The following RIT2 variants were observed in gnomAD, a reference collection of about 807,000 sequenced individuals.
RIT2 encodes Ras like without CAAX 2.
In RIT2, 24 loss-of-function variants were observed where a neutral mutation model predicts 23.7. That is an observed-to-expected ratio of 1.01 (90% CI 0.73 to 1.43). RIT2 has a LOEUF of 1.43. RIT2 is among the 40% of genes most tolerant of loss of function. RIT2 has a pLI of 0.00. For synonymous variants in RIT2, 107 were observed against 91.1 expected, an observed-to-expected ratio of 1.17 and a Z score of -0.99; for missense variants, 236 against 266.9, an observed-to-expected ratio of 0.88 and a Z score of 0.81.
chr18:42,778,069 A>G (rs975818970), intron 4 of RIT2, among the ~76,000 whole-genome samples: 4 of 152,132 alleles, frequency 2.6e-5, no homozygotes, highest in Non-Finnish European at 5.9e-5. Context: ...GAAATTTGCT[A>G]TTCAAAGCCC....
At chr18:42,771,485 C>G (rs559386713) in intron 4 of RIT2, among the ~76,000 whole-genome samples, 7 of 152,224 alleles carry the variant, frequency 4.6e-5, no homozygotes, top group South Asian at 2.1e-4. Context: ...TCCTATGGAG[C>G]ATTAGGCAAA....
intron 1 of RIT2, among the ~76,000 whole-genome samples, chr18:43,086,971 T>A (rs567131013): frequency 6.6e-6 from 1 of 152,114 alleles, no homozygotes; most frequent in Non-Finnish European, 1.5e-5. Flanking sequence ...TATTCATGGC[T>A]GGGCATGGTG....
At chr18:42,762,795 G>T (rs556870470) in intron 4 of RIT2, among the ~76,000 whole-genome samples, 2 of 152,188 alleles carry the variant, frequency 1.3e-5, no homozygotes, top group East Asian at 3.9e-4. Flanking sequence ...CAACATTTTT[G>T]TTGATCTCAA....
intron 3 of RIT2, among the ~76,000 whole-genome samples, chr18:42,926,169 A>G (rs966945243): frequency 6.6e-6 from 1 of 151,886 alleles, no homozygotes. Flanking sequence ...TCTCAATGCC[A>G]AAGACATTGT....
intron 4 of RIT2, among the ~76,000 whole-genome samples, chr18:42,872,588 A>G (rs1490230860): frequency 1.3e-5 from 2 of 152,226 alleles, no homozygotes; most frequent in Admixed American, 1.3e-4. Flanking sequence ...ACGTCAAAAT[A>G]AATACACAAC....
At chr18:43,094,123 G>GTTTTTTTTTTTTTTTT (rs376144367) in intron 1 of RIT2, among the ~76,000 whole-genome samples, 1 of 116,048 alleles carries the variant, frequency 8.6e-6, no homozygotes, top group Non-Finnish European at 1.7e-5. Context: ...GGTTTTTTTT[G>GTTTTTTTTTTTTTTTT]TTTTTTTTTT....
intron 2 of RIT2, among the ~76,000 whole-genome samples, chr18:43,030,099 A>G (rs2144279279): frequency 6.6e-6 from 1 of 152,224 alleles, no homozygotes; most frequent in African/African-American, 2.4e-5. Flanking sequence ...TAGTAATAAC[A>G]TATTGGGCAT....
intron 4 of RIT2, among the ~76,000 whole-genome samples, chr18:42,871,295 T>C (rs1907615815): frequency 6.6e-6 from 1 of 152,194 alleles, no homozygotes; most frequent in Non-Finnish European, 1.5e-5. Context: ...TTAAACTATA[T>C]TTAAAACATT....
intron 1 of RIT2, among the ~76,000 whole-genome samples, chr18:43,101,459 A>C (rs1303931785): frequency 6.6e-6 from 1 of 152,220 alleles, no homozygotes; most frequent in Non-Finnish European, 1.5e-5. Context: ...AAGGTATATA[A>C]ATTATACTGA....
chr18:42,923,861 C>T, intron 3 of RIT2, 98 bp from the exon 4 acceptor site: 2 of 982,120 alleles, frequency 2.0e-6, no homozygotes, highest in Non-Finnish European at 3.0e-6. Flanking sequence ...ATGTTTTAAA[C>T]TATTAAGAAT....
At chr18:43,065,253 G>A (rs1342191488) in intron 1 of RIT2, among the ~76,000 whole-genome samples, 3 of 119,914 alleles carry the variant, frequency 2.5e-5, no homozygotes, top group African/African-American at 9.9e-5. Flanking sequence ...TAGAGACATG[G>A]TCTCAATCTG....
Position 43,009,316 on chromosome 18 carries a change from T to C in RIT2, c.160+24495A>G, listed in dbSNP as rs539455233. 1.2e-4 allele frequency among the ~76,000 whole-genome samples: 18 copies of C among 151,884 alleles called. 1 individual carries two copies. In the South Asian group the frequency reaches 3.5e-3, roughly 30 times the overall value. On this transcript the variant is annotated intron_variant, in intron 2 of 4. Coordinates refer to ENST00000326695, the MANE Select transcript of RIT2 (RefSeq NM_002930.4). ...TACAAGAAATGTGACAGCAACATTT[T>C]TCAACAAGTGGAGCTCAGAAGGGAT...
At chr18:43,002,850 C>T (rs1305514040) in intron 2 of RIT2, among the ~76,000 whole-genome samples, 1 of 151,854 alleles carries the variant, frequency 6.6e-6, no homozygotes, top group Admixed American at 6.6e-5. Context: ...ATCAGCTGAA[C>T]TCAGCATAGA....
rs76240158 is a variant in RIT2, at chr18:42,952,474, T to C, written c.234+21600A>G. Among the ~76,000 whole-genome samples, 1,196 of 152,192 alleles carry C rather than the reference T, an allele frequency of 7.9e-3. 30 individuals are homozygous for C. The highest frequency in any genetic ancestry group is 0.049 in the Admixed American group (748 of 15,256). On this transcript the variant is annotated intron_variant, in intron 3 of 4. Transcript: ENST00000326695. ...GATCTACTGTATACTATAGTGACTA[T>C]AGTTAGTGATACTGTATAGCATACT... is the stretch of plus-strand genomic sequence containing the variant.
intron 1 of RIT2, among the ~76,000 whole-genome samples, chr18:43,084,835 C>T (rs1291829932): frequency 6.6e-6 from 1 of 152,168 alleles, no homozygotes; most frequent in Non-Finnish European, 1.5e-5. Flanking sequence ...CACCATGGCA[C>T]ATGTATACCT....
chr18:43,068,389 T>C (rs551664466), intron 1 of RIT2, among the ~76,000 whole-genome samples: 4 of 152,272 alleles, frequency 2.6e-5, no homozygotes, highest in African/African-American at 9.6e-5. Flanking sequence ...CTGAAACATA[T>C]GGATTCTCTG....
intron 4 of RIT2, among the ~76,000 whole-genome samples, chr18:42,901,464 C>G (rs1015643938): frequency 6.6e-6 from 1 of 151,838 alleles, no homozygotes; most frequent in Non-Finnish European, 1.5e-5. Flanking sequence ...GCACTTGTGG[C>G]CAGTAACAAA....
chr18:42,796,091 GGAAGCTTTGTTCTTTAACTCT>G (rs1905343270), intron 4 of RIT2, among the ~76,000 whole-genome samples: 1 of 152,066 alleles, frequency 6.6e-6, no homozygotes, highest in African/African-American at 2.4e-5. Flanking sequence ...TCCACACTGT[GGAAGCTTTGTTCTTTAACTCT>G]TTGCAATAAA....
At chr18:43,046,438 C>T (rs960180453) in intron 1 of RIT2, among the ~76,000 whole-genome samples, 1 of 152,178 alleles carries the variant, frequency 6.6e-6, no homozygotes, top group East Asian at 1.9e-4. Flanking sequence ...TGGATTTCAT[C>T]TTGCCTCCAC....
Sources: gnomAD v4.1 joint callset for allele counts (sites outside exome capture counted in the v4.1 genomes callset) on GRCh38, gnomAD v4.1.1 for gene constraint, MANE v1.5 for transcripts, NCBI Gene and HGNC (gene_info 2026-07-23, HGNC 2026-07-21) for gene names.